NSD1: variants seen among roughly 807,000 people sequenced by gnomAD.
The protein encoded by NSD1 is histone-lysine N-methyltransferase, H3 lysine-36 specific.
In NSD1, 26 loss-of-function variants were observed where a neutral mutation model predicts 242.7. The observed-to-expected ratio is 0.11, with a 90% CI of 0.08 to 0.15. NSD1 has a LOEUF of 0.15. Among genes scored for constraint, NSD1 ranks in the 10% least tolerant of loss-of-function variants. NSD1 has a pLI of 1.00. For missense variants in NSD1, 2,495 were observed against 3,272.8 expected (o/e 0.76, Z 5.80); for synonymous variants, 1,106 against 1,178.1 (o/e 0.94, Z 1.25).
At chr5:177,188,189 G>T (rs956047402) in intron 2 of NSD1, among the ~76,000 whole-genome samples, 5 of 152,096 alleles carry the variant, frequency 3.3e-5, no homozygotes. Flanking sequence ...GGGCTTAAAT[G>T]GATTTATTTT....
intron 9 of NSD1, among the ~76,000 whole-genome samples, chr5:177,245,187 C>G (rs1766181833): frequency 2.0e-5 from 3 of 152,318 alleles, no homozygotes; most frequent in Non-Finnish European, 4.4e-5. Context: ...AGAGCTGTTG[C>G]TCACACCAGG....
chr5:177,148,448 A>G (rs1429011421), intron 2 of NSD1, among the ~76,000 whole-genome samples: 1 of 142,012 alleles, frequency 7.0e-6, no homozygotes, highest in Admixed American at 7.2e-5. Flanking sequence ...TTTTTTTGAG[A>G]CAATCTCTCT....
At chr5:177,185,956 T>G (rs1284637964) in intron 2 of NSD1, among the ~76,000 whole-genome samples, 1 of 91,148 alleles carries the variant, frequency 1.1e-5, no homozygotes, top group Non-Finnish European at 1.9e-5. Flanking sequence ...TATAGTTATA[T>G]ATTTATATAT....
At chr5:177,143,937 C>T (rs996131782) in intron 2 of NSD1, among the ~76,000 whole-genome samples, 2 of 151,988 alleles carry the variant, frequency 1.3e-5, no homozygotes, top group African/African-American at 4.8e-5. Context: ...AGGCATGCGC[C>T]ACCATGCCCG....
intron 2 of NSD1, among the ~76,000 whole-genome samples, chr5:177,154,043 G>C (rs960476769): frequency 1.3e-5 from 2 of 152,046 alleles, no homozygotes; most frequent in African/African-American, 4.8e-5. Context: ...CAAGATGTCT[G>C]CCAGGGCTGC....
intron 11 of NSD1, 148 bp downstream of exon 11, chr5:177,248,472 T>C: frequency 9.4e-7 from 1 of 1,061,708 alleles, no homozygotes; most frequent in Non-Finnish European, 1.4e-6. Context: ...ATTTGACCCC[T>C]TTTTTTCTCC....
At chr5:177,209,473 G>A (rs1763157112) in intron 4 of NSD1, among the ~76,000 whole-genome samples, 163 bp from the exon 5 acceptor site, 1 of 148,582 alleles carries the variant, frequency 6.7e-6, no homozygotes, top group South Asian at 2.1e-4. Flanking sequence ...AGGTTGTGGT[G>A]AGCGAAGATT....
chr5:177,174,606 T>A (rs1346126152), intron 2 of NSD1, among the ~76,000 whole-genome samples: 1 of 151,842 alleles, frequency 6.6e-6, no homozygotes, highest in Non-Finnish European at 1.5e-5. Context: ...TCACCCAGGC[T>A]GGAGTGCAAT....
intron 14 of NSD1, among the ~76,000 whole-genome samples, chr5:177,267,060 G>C (rs1392388086): frequency 6.6e-6 from 1 of 152,176 alleles, no homozygotes; most frequent in Non-Finnish European, 1.5e-5. Context: ...GTTTCGCCCT[G>C]TTGGCCGGGC....
intron 21 of NSD1, 71 bp downstream of exon 21, chr5:177,288,996 T>G: frequency 4.7e-6 from 5 of 1,055,602 alleles, no homozygotes; most frequent in Non-Finnish European, 7.4e-6. Context: ...GTTAGGGCAG[T>G]CTACATTTTA....
intron 11 of NSD1, among the ~76,000 whole-genome samples, chr5:177,249,530 G>T (rs372457226): frequency 6.6e-6 from 1 of 151,934 alleles, no homozygotes; most frequent in Non-Finnish European, 1.5e-5. Flanking sequence ...GCAGTGGCGC[G>T]ATCTCTGCTC....
chr5:177,143,154 C>T (rs1220229149), intron 2 of NSD1, among the ~76,000 whole-genome samples: 1 of 152,122 alleles, frequency 6.6e-6, no homozygotes, highest in Admixed American at 6.6e-5. Context: ...TGTCAGCCTT[C>T]ATCATTTTCA....
Position 177,295,092 on chromosome 5 carries a change from GC to G in NSD1, c.7726del (p.Leu2576TrpfsTer2). On this transcript the variant is annotated frameshift_variant, in exon 23 of 23. Transcript: ENST00000439151. LOFTEE classifies it high-confidence loss of function. This position sits in a 1 kb window ranked among gnomAD's most constrained non-coding sequence, Gnocchi z 4.3. ...QTPGPLSQSP[G>X]LVKQAKQMVG... ...CCAGGGCCTCTTAGCCAATCCCCGG[GC>G]CTGGTGAAGCAGGCGAAGCAGATGG... 1 of 1,611,708 alleles carries G rather than the reference GC, an allele frequency of 6.2e-7. No individual in the cohort carries two copies. Among genetic ancestry groups the G allele is most frequent in the East Asian group, 2.2e-5 (1 of 44,844 alleles).
rs186009580 is a variant in NSD1 at position 177,237,058 on chromosome 5, G to T, written c.3921+1113G>T. ...GTGTCCCACTATGTTGCCCTGGCTG[G>T]TCTCGAATTCCTGGGCTCCAGTGAT... On this transcript the variant is annotated intron_variant, in intron 6 of 22. Transcript: ENST00000439151. Among the ~76,000 whole-genome samples, 243 of 152,174 alleles carry T rather than the reference G, an allele frequency of 1.6e-3. 1 individual carries two copies. The highest frequency in any genetic ancestry group is 5.7e-3 in the African/African-American group (235 of 41,518).
At chr5:177,256,135 A>G (rs1756434864) in intron 12 of NSD1, among the ~76,000 whole-genome samples, 1 of 152,102 alleles carries the variant, frequency 6.6e-6, no homozygotes, top group Admixed American at 6.6e-5. Context: ...CAAGATCTAG[A>G]TCCAGAGAGA....
chr5:177,267,818 C>T (rs1757617475), intron 15 of NSD1, 100 bp downstream of exon 15: 15 of 1,147,022 alleles, frequency 1.3e-5, no homozygotes, highest in East Asian at 4.8e-5. Flanking sequence ...TACTTAATTA[C>T]TCATGGTACT....
At chr5:177,155,790 A>G (rs1388323344) in intron 2 of NSD1, among the ~76,000 whole-genome samples, 3 of 151,172 alleles carry the variant, frequency 2.0e-5, no homozygotes, top group East Asian at 2.0e-4. Flanking sequence ...GGGTTAAGCA[A>G]TTCTTCTGCC....
rs2336237 is a variant in NSD1 at position 177,238,878 on chromosome 5, G to A, written c.4192+371G>A. 0.64 allele frequency among the ~76,000 whole-genome samples: 97,257 copies of A among 152,040 alleles called. 34,399 individuals carry two copies. Among genetic ancestry groups the A allele is most frequent in the Non-Finnish European group, 0.8 (54,359 of 67,980 alleles). On this transcript the variant is annotated intron_variant, in intron 7 of 22. Coordinates refer to ENST00000439151, the MANE Select transcript of NSD1 (RefSeq NM_022455.5). The surrounding 1 kb of genome is among the most constrained non-coding windows in gnomAD (Gnocchi z 4.6). ...CAATCCTTGTGTTACTTGGGAAGTT[G>A]TTTAATCTCTGAACTTGTTTCCTCA...
rs200588586 is a variant in NSD1 at position 177,135,679 on chromosome 5, C to G, written c.576C>G (p.Thr192=). 6.2e-7 allele frequency: 1 copy of G among 1,614,158 alleles called. No homozygotes were observed. The highest frequency in any genetic ancestry group is 8.5e-7 in the Non-Finnish European group (1 of 1,180,040). The change falls in exon 2 of 23, where the codon ACC becomes ACG. Residue 192 remains threonine (T), a synonymous_variant. Coordinates refer to ENST00000439151, the MANE Select transcript of NSD1 (RefSeq NM_022455.5). The part of the protein sequence containing the change: ...EIFEETQTNA[T]CNYETKSENG... The stretch of plus-strand genomic sequence containing the variant: ...TTGAGGAAACTCAGACCAATGCCAC[C>G]TGCAATTATGAGACTAAATCAGAGA...
Sources: gnomAD v4.1 joint callset for allele counts (sites outside exome capture counted in the v4.1 genomes callset) on GRCh38, gnomAD v4.1.1 for gene constraint, Gnocchi (gnomAD v3.1) non-coding constraint, MANE v1.5 for transcripts, NCBI Gene and HGNC (gene_info 2026-07-23, HGNC 2026-07-21) for gene names.